The following RNF19A variants were observed in gnomAD, a reference collection of about 807,000 sequenced individuals.
RNF19A encodes the protein E3 ubiquitin-protein ligase RNF19A.
Under a neutral mutation model 75.7 loss-of-function variants are expected in RNF19A, and 32 were observed. The ratio of observed to expected loss-of-function variants is 0.42; its 90% CI spans 0.32 to 0.57. RNF19A has a LOEUF of 0.57. Among genes scored for constraint, RNF19A ranks in the 20% least tolerant of loss-of-function variants. RNF19A has a pLI of 0.10. For missense variants in RNF19A, 782 were observed against 1,036.3 expected (o/e 0.75, Z 3.37); for synonymous variants, 335 against 345.2 (o/e 0.97, Z 0.33).
In RNF19A at chr8:100,259,806, CCTTTA is replaced by C; in HGVS notation, c.1826+43_1826+47del. 1 of 1,510,216 alleles carries C rather than the reference CCTTTA, an allele frequency of 6.6e-7. No homozygotes were observed. Among genetic ancestry groups the C allele is most frequent in the Non-Finnish European group, 9.1e-7 (1 of 1,101,644 alleles). The allele number at this position is 1,510,216 out of a possible 1,614,324, so 93.6% of individuals were successfully genotyped here. ...AATTTGTCTAATGATAGGAATTATT[CCTTTA>C]ATTTAAAAAATACTTTCAATTTTTT... On this transcript the variant is annotated intron_variant, in intron 9 of 9. Coordinates refer to ENST00000341084, the MANE Select transcript of RNF19A (RefSeq NM_183419.4). This position sits in a 1 kb window ranked among gnomAD's most constrained non-coding sequence, Gnocchi z 4.5.
chr8:100,297,131 C>T (rs1821601678), intron 1 of RNF19A, among the ~76,000 whole-genome samples: 2 of 151,954 alleles, frequency 1.3e-5, no homozygotes, highest in Non-Finnish European at 2.9e-5. Flanking sequence ...TTGATTATTC[C>T]TTATGAGGTA....
chr8:100,310,341 G>A (rs1822258562), upstream of RNF19A: 1 of 733,120 alleles, frequency 1.4e-6, no homozygotes, highest in Non-Finnish European at 1.7e-6. Flanking sequence ...CCTGTCCCTG[G>A]CGGAGGGGAC....
chr8:100,313,313 G>T, upstream of RNF19A: 3 of 983,992 alleles, frequency 3.0e-6, no homozygotes, highest in Non-Finnish European at 3.6e-6. Flanking sequence ...AACCAAAGAG[G>T]CTGTAACTTA....
rs78212368 is a variant in RNF19A, at chr8:100,258,056, GA to G, written c.*499del. 10,478 of 398,252 alleles carry G rather than the reference GA, an allele frequency of 0.026. 608 individuals carry two copies. The highest frequency in any genetic ancestry group is 0.13 in the African/African-American group (6,334 of 48,486). The allele number at this position is 398,252 out of a possible 1,614,324, so 24.7% of individuals were successfully genotyped here. On this transcript the variant is annotated 3_prime_UTR_variant, in exon 10 of 10. Transcript: ENST00000341084. This position sits in a 1 kb window ranked among gnomAD's most constrained non-coding sequence, Gnocchi z 4.3. ...TTTATATAACCACATTGCATATGAA[GA>G]AAAAAAATGAAATTTATGCCGATAT...
chr8:100,258,502 A>G lies in RNF19A; in HGVS notation c.*54T>C, dbSNP rs1819552923. On this transcript the variant is annotated 3_prime_UTR_variant, in exon 10 of 10. Coordinates refer to ENST00000341084, the MANE Select transcript of RNF19A (RefSeq NM_183419.4). The surrounding 1 kb of genome is among the most constrained non-coding windows in gnomAD (Gnocchi z 4.3). ...AAACTTAAGTAGTCACATGTAGTTC[A>G]ACCAGCTCCAAACACGGTTGTACAG... is the stretch of plus-strand genomic sequence containing the variant. 6.9e-7 allele frequency: 1 copy of G among 1,440,430 alleles called. No homozygotes were observed. Among genetic ancestry groups the G allele is most frequent in the Admixed American group, 2.0e-5 (1 of 48,856 alleles). The allele number at this position is 1,440,430 out of a possible 1,614,324, so 89.2% of individuals were successfully genotyped here.
At position 100,269,609 on chromosome 8, in the gene RNF19A, C is replaced by G. The variant is rs554637976; in HGVS notation, c.1028+260G>C. ...AAATTAAATGAAAGTATTTATGGGT[C>G]TAGCATAATTACACAGGGTATTACA... On this transcript the variant is annotated intron_variant, in intron 4 of 9. Transcript: ENST00000341084. This position sits in a 1 kb window ranked among gnomAD's most constrained non-coding sequence, Gnocchi z 5.7. Among the ~76,000 whole-genome samples the G allele has an allele frequency of 6.6e-6, 1 of 152,218 alleles. No homozygotes were observed. Among genetic ancestry groups the G allele is most frequent in the Non-Finnish European group, 1.5e-5 (1 of 67,992 alleles).
intron 2 of RNF19A, among the ~76,000 whole-genome samples, chr8:100,286,918 T>A (rs1821048498): frequency 6.6e-6 from 1 of 152,214 alleles, no homozygotes; most frequent in Non-Finnish European, 1.5e-5. Context: ...ATTATTTTAT[T>A]TTAAATGTTG....
At chr8:100,268,686 A>T (rs78536573) in intron 5 of RNF19A, 99 bp downstream of exon 5, 3 of 161,590 alleles carry the variant, frequency 1.9e-5, no homozygotes, top group African/African-American at 2.9e-4. Flanking sequence ...CTTTGTCTAA[A>T]AAAAAAAAAA....
At chr8:100,302,801 T>C (rs1052856640) in intron 1 of RNF19A, among the ~76,000 whole-genome samples, 8 of 152,086 alleles carry the variant, frequency 5.3e-5, no homozygotes, top group African/African-American at 1.9e-4. Flanking sequence ...CTACTAGTGT[T>C]TTACTCATTC....
At chr8:100,277,468 C>A (rs1278178337) in intron 2 of RNF19A, among the ~76,000 whole-genome samples, 1 of 152,094 alleles carries the variant, frequency 6.6e-6, no homozygotes, top group Non-Finnish European at 1.5e-5. Flanking sequence ...CCCACTACCA[C>A]GCCCAGCTAA....
At chr8:100,280,125 G>A (rs1351846273) in intron 2 of RNF19A, among the ~76,000 whole-genome samples, 2 of 152,110 alleles carry the variant, frequency 1.3e-5, no homozygotes, top group African/African-American at 4.8e-5. Context: ...AGTCATTAAG[G>A]GGCAGGACTG....
intron 1 of RNF19A, among the ~76,000 whole-genome samples, chr8:100,316,141 G>A (rs774712862): frequency 3.3e-5 from 5 of 152,062 alleles, no homozygotes; most frequent in South Asian, 2.1e-4. Flanking sequence ...GCAGACCTTC[G>A]CGGTGAGTGT....
Position 100,260,894 on chromosome 8 carries a change from C to T in RNF19A, c.1682+648G>A, listed in dbSNP as rs568192454. Among the ~76,000 whole-genome samples, 2 of 152,320 alleles carry T rather than the reference C, an allele frequency of 1.3e-5. No individual in the cohort carries two copies. The highest frequency in any genetic ancestry group is 4.8e-5 in the African/African-American group (2 of 41,576). ...CACATTCCTGGATGTCCTGACTCCA[C>T]CTGTTTCCCAGGACTCAGCCAAAGT... On this transcript the variant is annotated intron_variant, in intron 8 of 9. Transcript: ENST00000341084. This position sits in a 1 kb window ranked among gnomAD's most constrained non-coding sequence, Gnocchi z 4.1.
intron 1 of RNF19A, among the ~76,000 whole-genome samples, chr8:100,307,278 G>C (rs1227552244): frequency 1.3e-5 from 2 of 152,142 alleles, no homozygotes; most frequent in African/African-American, 2.4e-5. Context: ...GAGCAATTCA[G>C]ATGTAAATAT....
chr8:100,326,953 G>A (rs890735626), intron 1 of RNF19A, among the ~76,000 whole-genome samples: 1 of 152,182 alleles, frequency 6.6e-6, no homozygotes, highest in South Asian at 2.1e-4. Context: ...ATCAGCAGAG[G>A]AGCCAATGGG....
At chr8:100,309,274 AG>A in intron 1 of RNF19A, 2 of 977,446 alleles carry the variant, frequency 2.0e-6, no homozygotes, top group Non-Finnish European at 2.4e-6. Context: ...CTTTTGAAGG[AG>A]GTGGTAGCAG....
intron 3 of RNF19A, among the ~76,000 whole-genome samples, chr8:100,273,051 G>A (rs1473504149): frequency 6.6e-6 from 1 of 151,894 alleles, no homozygotes; most frequent in Non-Finnish European, 1.5e-5. Flanking sequence ...ATTTTTTGTA[G>A]AGAAGGAGTC....
At chr8:100,316,268 C>T (rs1563873019) in intron 1 of RNF19A, among the ~76,000 whole-genome samples, 1 of 152,010 alleles carries the variant, frequency 6.6e-6, no homozygotes, top group Non-Finnish European at 1.5e-5. Context: ...CTCATAAAAG[C>T]AGCGTGGACC....
chr8:100,270,005 T>C lies in RNF19A; in HGVS notation c.892A>G (p.Ile298Val), dbSNP rs1412146025. ...SQESGAAADD[I>V]KPCPRCAAYI... The stretch of plus-strand genomic sequence containing the variant: ...GCAGCACATCGTGGACATGGCTTTA[T>C]ATCATCAGCTATTGGGAACACAGAG... Residue 298 changes from isoleucine to valine, a missense_variant, in exon 4 of 10, where the codon ATA becomes GTA. By Grantham distance (29) the Ile-to-Val change is conservative. Transcript: ENST00000341084. 3.2e-6 allele frequency: 5 copies of C among 1,586,554 alleles called. No individual in the cohort carries two copies. In the South Asian group the frequency reaches 5.8e-5, roughly 18 times the overall value.
Sources: gnomAD v4.1 joint callset for allele counts (sites outside exome capture counted in the v4.1 genomes callset) on GRCh38, gnomAD v4.1.1 for gene constraint, Gnocchi (gnomAD v3.1) non-coding constraint, MANE v1.5 for transcripts, NCBI Gene and HGNC (gene_info 2026-07-23, HGNC 2026-07-21) for gene names.